RGL1: variants seen among roughly 807,000 people sequenced by gnomAD.
RGL1 encodes the protein ral guanine nucleotide dissociation stimulator-like 1.
A neutral mutation model predicts 95.2 loss-of-function variants in RGL1; 24 were observed. The observed-to-expected ratio is 0.25, with a 90% CI of 0.18 to 0.35. The LOEUF is 0.35. RGL1 is among the 10% of genes least tolerant of loss of function. The probability of loss-of-function intolerance (pLI) is 1.00; values close to 1 mark genes in which losing one functional copy is unlikely to be tolerated. For synonymous variants in RGL1, 329 were observed against 344.9 expected (o/e 0.95, Z 0.51); for missense variants, 715 against 936.3 (o/e 0.76, Z 3.08).
intron 2 of RGL1, among the ~76,000 whole-genome samples, chr1:183,786,037 T>G (rs1405627070): frequency 6.6e-6 from 1 of 151,838 alleles, no homozygotes; most frequent in Non-Finnish European, 1.5e-5. Context: ...GTGATTGCAC[T>G]ACTCTACTCC....
At chr1:183,698,329 TC>T (rs1371435994) in intron 1 of RGL1, among the ~76,000 whole-genome samples, 3 of 152,216 alleles carry the variant, frequency 2.0e-5, no homozygotes, top group African/African-American at 7.2e-5. Flanking sequence ...CCTGGCTTAT[TC>T]ACTCTTCCCT....
At chr1:183,907,284 C>T (rs1019046395) in intron 14 of RGL1, among the ~76,000 whole-genome samples, 183 bp downstream of exon 14, 1 of 152,218 alleles carries the variant, frequency 6.6e-6, no homozygotes, top group African/African-American at 2.4e-5. Flanking sequence ...TCTCCACTCC[C>T]CTCTCTGTTG....
At chr1:183,791,880 G>C (rs1236287134) in intron 2 of RGL1, among the ~76,000 whole-genome samples, 2 of 152,042 alleles carry the variant, frequency 1.3e-5, no homozygotes, top group Non-Finnish European at 2.9e-5. Flanking sequence ...TCAATGATGA[G>C]TGCATCTTGA....
chr1:183,725,095 C>G (rs1370238144), intron 1 of RGL1, among the ~76,000 whole-genome samples: 1 of 152,114 alleles, frequency 6.6e-6, no homozygotes, highest in Non-Finnish European at 1.5e-5. Context: ...TCTTCCAAAT[C>G]TTATCCAAGA....
intron 1 of RGL1, among the ~76,000 whole-genome samples, chr1:183,654,810 G>C (rs1308727923): frequency 6.6e-6 from 1 of 152,186 alleles, no homozygotes; most frequent in African/African-American, 2.4e-5. Flanking sequence ...TTAGGGATAG[G>C]CAACCCCAAT....
intron 2 of RGL1, among the ~76,000 whole-genome samples, chr1:183,755,964 A>G (rs1235772586): frequency 6.6e-6 from 1 of 151,110 alleles, no homozygotes; most frequent in African/African-American, 2.4e-5. Context: ...GCTCACTGCA[A>G]CCTCTGCCTC....
chr1:183,822,389 A>G (rs1662550457), intron 2 of RGL1, among the ~76,000 whole-genome samples: 1 of 152,050 alleles, frequency 6.6e-6, no homozygotes, highest in South Asian at 2.1e-4. Flanking sequence ...GATAGCATTC[A>G]TTTTCAGGAA....
At chr1:183,788,924 C>T (rs573000805) in intron 2 of RGL1, among the ~76,000 whole-genome samples, 8 of 152,164 alleles carry the variant, frequency 5.3e-5, no homozygotes, top group Non-Finnish European at 1.0e-4. Context: ...TTCCCCTACC[C>T]ACCCCTTCCA....
At chr1:183,658,558 G>A (rs1028367622) in intron 1 of RGL1, among the ~76,000 whole-genome samples, 1 of 152,170 alleles carries the variant, frequency 6.6e-6, no homozygotes, top group African/African-American at 2.4e-5. Flanking sequence ...CAGCCTGGAA[G>A]CTGGAACTGG....
chr1:183,730,171 G>A (rs1656546430), intron 1 of RGL1, among the ~76,000 whole-genome samples: 1 of 152,144 alleles, frequency 6.6e-6, no homozygotes, highest in South Asian at 2.1e-4. Context: ...CAACATCTTG[G>A]AGTCAGTAAA....
chr1:183,651,602 T>G (rs1034544556), intron 1 of RGL1, among the ~76,000 whole-genome samples: 1 of 152,220 alleles, frequency 6.6e-6, no homozygotes, highest in African/African-American at 2.4e-5. Flanking sequence ...GTGGCTAATA[T>G]CCTGCAGTAA....
At chr1:183,764,759 A>C (rs1658879512) in intron 2 of RGL1, among the ~76,000 whole-genome samples, 1 of 152,146 alleles carries the variant, frequency 6.6e-6, no homozygotes, top group Non-Finnish European at 1.5e-5. Context: ...ACGTTAATTT[A>C]ATACCATAGT....
At chr1:183,864,916 G>C (rs1005069834) in intron 3 of RGL1, among the ~76,000 whole-genome samples, 19 of 152,308 alleles carry the variant, frequency 1.2e-4, no homozygotes, top group Admixed American at 9.2e-4. Context: ...CTAGGAACAA[G>C]GAACCATAAG....
intron 17 of RGL1, among the ~76,000 whole-genome samples, chr1:183,923,512 T>A (rs1669432833): frequency 6.6e-6 from 1 of 152,152 alleles, no homozygotes; most frequent in African/African-American, 2.4e-5. Flanking sequence ...AACACAGCAC[T>A]AAGGTGAGGC....
At chr1:183,644,238 C>T (rs1235379474) in intron 1 of RGL1, among the ~76,000 whole-genome samples, 1 of 152,152 alleles carries the variant, frequency 6.6e-6, no homozygotes, top group African/African-American at 2.4e-5. Flanking sequence ...GGGTTTAACG[C>T]TCAGCTCAGC....
chr1:183,740,158 A>G (rs1657199951), intron 1 of RGL1, among the ~76,000 whole-genome samples: 1 of 151,756 alleles, frequency 6.6e-6, no homozygotes, highest in African/African-American at 2.4e-5. Flanking sequence ...GTTTATTTTA[A>G]TTTCCTTTTT....
At chr1:183,741,285 A>T (rs1211897087) in intron 1 of RGL1, among the ~76,000 whole-genome samples, 1 of 152,202 alleles carries the variant, frequency 6.6e-6, no homozygotes, top group African/African-American at 2.4e-5. Flanking sequence ...TTACACCAAG[A>T]ATAGACTCAA....
Position 183,908,218 on chromosome 1 carries a change from G to A in RGL1, c.1562+1117G>A, listed in dbSNP as rs148708183. On this transcript the variant is annotated intron_variant, in intron 14 of 17. Transcript: ENST00000360851. ...TGGGCATTTGATATTTCCCAGCACT[G>A]TCTCTCCACCTACTTCAGTGAGTCA... is the stretch of plus-strand genomic sequence containing the variant. 2.8e-3 allele frequency among the ~76,000 whole-genome samples: 432 copies of A among 152,216 alleles called. 4 individuals carry two copies. The highest frequency in any genetic ancestry group is 0.024 in the Middle Eastern group (7 of 294).
intron 3 of RGL1, among the ~76,000 whole-genome samples, chr1:183,860,125 T>C (rs1354122606): frequency 6.6e-6 from 1 of 152,164 alleles, no homozygotes; most frequent in Non-Finnish European, 1.5e-5. Context: ...GAGGCCAGCA[T>C]TTATTAGAAA....
Sources: allele counts gnomAD v4.1 joint callset (sites outside exome capture counted in the v4.1 genomes callset), GRCh38; gene constraint gnomAD v4.1.1; transcripts MANE v1.5; gene names NCBI Gene and HGNC (gene_info 2026-07-23, HGNC 2026-07-21).